GRM5: variants seen among roughly 807,000 people sequenced by gnomAD.
The protein encoded by GRM5 is metabotropic glutamate receptor 5.
Under a neutral mutation model 83.1 loss-of-function variants are expected in GRM5, and 19 were observed. The ratio of observed to expected loss-of-function variants is 0.23; its 90% CI spans 0.16 to 0.34. The LOEUF (loss-of-function observed/expected upper bound fraction) is 0.34, where lower values mean the gene tolerates loss of function less well. Ranked by LOEUF, GRM5 falls within the 10% of genes least tolerant of loss-of-function variation. GRM5 has a pLI of 1.00. For missense variants in GRM5, 1,160 were observed against 1,588.3 expected (o/e 0.73, Z 4.58); for synonymous variants, 675 against 633.6 (o/e 1.07, Z -0.98).
intron 9 of GRM5, among the ~76,000 whole-genome samples, chr11:88,518,433 A>C (rs919863231): frequency 3.9e-5 from 6 of 151,974 alleles, no homozygotes; most frequent in Admixed American, 3.9e-4. Flanking sequence ...TTTTTGATTA[A>C]TTTTTTATAA....
chr11:88,742,567 A>G (rs1459501755), intron 3 of GRM5, among the ~76,000 whole-genome samples: 1 of 152,218 alleles, frequency 6.6e-6, no homozygotes, highest in Middle Eastern at 3.4e-3. Context: ...GGAGTCTCAT[A>G]TCCTCTCTTG....
chr11:88,856,226 T>C (rs915478374), intron 2 of GRM5, among the ~76,000 whole-genome samples: 3 of 152,134 alleles, frequency 2.0e-5, no homozygotes, highest in Non-Finnish European at 2.9e-5. Flanking sequence ...TACTGACAAC[T>C]ACTAGTGAAG....
At chr11:88,770,522 T>C (rs146929576) in intron 3 of GRM5, among the ~76,000 whole-genome samples, 5 of 152,148 alleles carry the variant, frequency 3.3e-5, no homozygotes, top group African/African-American at 9.6e-5. Flanking sequence ...AGTTGATTCA[T>C]AGAAAATCAA....
At chr11:89,011,416 A>C (rs1940695208) in intron 2 of GRM5, among the ~76,000 whole-genome samples, 1 of 152,220 alleles carries the variant, frequency 6.6e-6, no homozygotes, top group South Asian at 2.1e-4. Context: ...ATAACTTATA[A>C]GGGAGACGAC....
At chr11:88,597,403 C>T (rs1436386509) in intron 5 of GRM5, 51 bp from the exon 6 acceptor site, 4 of 978,906 alleles carry the variant, frequency 4.1e-6, no homozygotes, top group Admixed American at 5.6e-5. Context: ...AAATACTCAG[C>T]TTTGAAAAGG....
intron 3 of GRM5, among the ~76,000 whole-genome samples, chr11:88,824,382 T>G (rs981516935): frequency 2.0e-5 from 3 of 152,126 alleles, no homozygotes; most frequent in Non-Finnish European, 4.4e-5. Context: ...AATCGCTATA[T>G]GAATTGCTCT....
At chr11:89,065,392 C>T (rs916382070) in intron 1 of GRM5, among the ~76,000 whole-genome samples, 1 of 147,238 alleles carries the variant, frequency 6.8e-6, no homozygotes, top group African/African-American at 2.7e-5. Flanking sequence ...TTATCTTTTC[C>T]TCCTCTGTTT....
At chr11:89,062,398 C>A (rs1409181324) in intron 1 of GRM5, among the ~76,000 whole-genome samples, 1 of 152,198 alleles carries the variant, frequency 6.6e-6, no homozygotes, top group Non-Finnish European at 1.5e-5. Flanking sequence ...GTCAATGCAC[C>A]TTTGGCTGCT....
At chr11:88,746,794 G>A in intron 3 of GRM5, among the ~76,000 whole-genome samples, 1 of 152,092 alleles carries the variant, frequency 6.6e-6, no homozygotes, top group Admixed American at 6.6e-5. Context: ...AAAGTAGCAT[G>A]TAAGAAGTTG....
chr11:88,708,600 A>T (rs1941212604), intron 3 of GRM5, among the ~76,000 whole-genome samples: 1 of 152,138 alleles, frequency 6.6e-6, no homozygotes, highest in South Asian at 2.1e-4. Flanking sequence ...GCAGGGATTT[A>T]GTGACAATCA....
At chr11:88,686,175 T>C (rs2135351762) in intron 3 of GRM5, among the ~76,000 whole-genome samples, 1 of 152,260 alleles carries the variant, frequency 6.6e-6, no homozygotes, top group East Asian at 1.9e-4. Context: ...GTCCACTTCT[T>C]GCATCAGTGT....
intron 2 of GRM5, among the ~76,000 whole-genome samples, chr11:88,923,926 T>G (rs1378091749): frequency 6.6e-5 from 10 of 151,342 alleles, no homozygotes; most frequent in African/African-American, 2.4e-4. Context: ...ACCTACTATA[T>G]ACCCATAAAA....
chr11:89,007,168 A>T (rs886279350), intron 2 of GRM5, among the ~76,000 whole-genome samples: 1 of 152,154 alleles, frequency 6.6e-6, no homozygotes, highest in African/African-American at 2.4e-5. Context: ...TGCCCCTATC[A>T]TAGGATCTCC....
intron 3 of GRM5, among the ~76,000 whole-genome samples, chr11:88,826,173 T>A (rs1943892423): frequency 6.6e-6 from 1 of 152,152 alleles, no homozygotes; most frequent in South Asian, 2.1e-4. Context: ...AACAGAGTAT[T>A]GACAGTTCAA....
chr11:88,622,711 C>G (rs181729204), intron 4 of GRM5, among the ~76,000 whole-genome samples: 88 of 151,932 alleles, frequency 5.8e-4, no homozygotes, highest in Middle Eastern at 3.4e-3. Context: ...CAACTGTGTG[C>G]CAGGGTGTTC....
chr11:88,983,446 G>A (rs539341557), intron 2 of GRM5, among the ~76,000 whole-genome samples: 8 of 152,158 alleles, frequency 5.3e-5, no homozygotes, highest in East Asian at 1.9e-4. Flanking sequence ...TAATGAAGCC[G>A]AAACATTCGT....
chr11:88,826,963 C>T (rs1407719347), intron 3 of GRM5, among the ~76,000 whole-genome samples: 1 of 152,164 alleles, frequency 6.6e-6, no homozygotes, highest in African/African-American at 2.4e-5. Flanking sequence ...AATGTAAATA[C>T]ATCTTGAAAG....
intron 2 of GRM5, among the ~76,000 whole-genome samples, chr11:88,954,484 T>C (rs75128522): frequency 0.021 from 3,124 of 152,224 alleles, 97 homozygotes; most frequent in African/African-American, 0.07. Flanking sequence ...AGGATAAACG[T>C]TTATTTAACA....
At chr11:88,748,676 C>T (rs1479588586) in intron 3 of GRM5, among the ~76,000 whole-genome samples, 1 of 152,078 alleles carries the variant, frequency 6.6e-6, no homozygotes, top group African/African-American at 2.4e-5. Context: ...CAGCCACCTC[C>T]TACAGGTGAA....
Sources: gnomAD v4.1 joint callset for allele counts (sites outside exome capture counted in the v4.1 genomes callset) on GRCh38, gnomAD v4.1.1 for gene constraint, MANE v1.5 for transcripts, NCBI Gene and HGNC (gene_info 2026-07-23, HGNC 2026-07-21) for gene names.